ZNF263: variants seen among roughly 807,000 people sequenced by gnomAD.
ZNF263 encodes zinc finger protein 263.
Under a neutral mutation model 63.1 loss-of-function variants are expected in ZNF263, and 49 were observed. The ratio of observed to expected loss-of-function variants is 0.78; its 90% CI spans 0.62 to 0.99. ZNF263 has a LOEUF of 0.99. ZNF263 is among the 50% of genes least tolerant of loss of function. The pLI is 0.00. For synonymous variants in ZNF263, 352 were observed against 324.2 expected (o/e 1.09, Z -0.92); for missense variants, 872 against 854.8 (o/e 1.02, Z -0.25).
chr16:3,300,437 C>T lies in ZNF263; in HGVS notation c.*47-476C>T, dbSNP rs748302335. 59 of 1,614,066 alleles carry T rather than the reference C, an allele frequency of 3.7e-5. No homozygotes were observed. The highest frequency in any genetic ancestry group is 4.7e-5 in the Non-Finnish European group (56 of 1,180,048). The stretch of plus-strand genomic sequence containing the variant: ...TTCTCAGCCCCTACTAATGGCATGT[C>T]CTGCTTCAGTACAAAGTCCAGAATT... On this transcript the variant is annotated intron_variant, in intron 2 of 2. Transcript: ENST00000574674.
At position 3,289,774 on chromosome 16, in the gene ZNF263, C is replaced by A; in HGVS notation, c.1268C>A (p.Ser423Ter). The A allele has an allele frequency of 6.2e-7, 1 of 1,614,204 alleles. No homozygotes were observed. The highest frequency in any genetic ancestry group is 8.5e-7 in the Non-Finnish European group (1 of 1,180,042). ...EIFGGNPRFLSLHRAHLGEEA... is the reference protein window; with the variant it reads ...EIFGGNPRFL ...TTTGGTGGGAACCCACGTTTCCTGT[C>A]ACTACACAGAGCACACCTGGGAGAG... The change falls in exon 6 of 6, where the codon TCA (serine) becomes TAA (stop). Residue 423 changes from serine (S) to a stop codon, truncating the protein, a stop_gained. Transcript: ENST00000219069. LOFTEE classifies it high-confidence loss of function.
In ZNF263 at chr16:3,283,575, C is replaced by G; in HGVS notation, c.-244C>G. The stretch of plus-strand genomic sequence containing the variant: ...TATATAGGGTGAGAAGCGTGGCGCT[C>G]GGTTCCTGCCTCGGGGAAGTCCTGG... On this transcript the variant is annotated 5_prime_UTR_variant, in exon 1 of 6. Coordinates refer to ENST00000219069, the MANE Select transcript of ZNF263 (RefSeq NM_005741.5). The G allele has an allele frequency of 4.8e-6, 2 of 413,860 alleles. No homozygotes were observed. The highest frequency in any genetic ancestry group is 8.0e-6 in the Non-Finnish European group (2 of 248,884). 25.6% of individuals were successfully genotyped at this position (413,860 alleles called of 1,614,324 possible). A position where few individuals can be genotyped will look rare whatever the true frequency, so the allele number is the denominator to read the frequency against.
chr16:3,290,631 C>G lies in ZNF263; in HGVS notation c.*73C>G. 14 of 1,508,506 alleles carry G rather than the reference C, an allele frequency of 9.3e-6. No homozygotes were observed. The highest frequency in any genetic ancestry group is 1.2e-5 in the Non-Finnish European group (14 of 1,137,006). The allele number at this position is 1,508,506 out of a possible 1,614,324, so 93.4% of individuals were successfully genotyped here. ...GAGCCTGTTGGCAAGAGCTGGTATTCCCTGCCCAGCCGACCAAATGACCTC... is the reference window on the plus strand; with the variant it reads ...GAGCCTGTTGGCAAGAGCTGGTATTGCCTGCCCAGCCGACCAAATGACCTC... On this transcript the variant is annotated 3_prime_UTR_variant, in exon 6 of 6. Transcript: ENST00000219069.
intron 4 of ZNF263, among the ~76,000 whole-genome samples, chr16:3,287,474 G>A (rs558037418): frequency 5.1e-4 from 76 of 147,732 alleles, no homozygotes; most frequent in African/African-American, 1.8e-3. Flanking sequence ...GGAACTTCTG[G>A]GCTCAAGCAG....
chr16:3,300,641 A>T (rs2150779870), intron 2 of ZNF263: 1 of 1,526,182 alleles, frequency 6.6e-7, no homozygotes. Context: ...AACCACCAAC[A>T]GGAGAAAACA....
At chr16:3,299,668 C>G in intron 2 of ZNF263, 1 of 1,549,250 alleles carries the variant, frequency 6.5e-7, no homozygotes, top group South Asian at 1.3e-5. Flanking sequence ...GAAGAACATA[C>G]ATTTTATTCG....
chr16:3,285,379 G>A, intron 2 of ZNF263, 140 bp downstream of exon 2: 1 of 1,059,430 alleles, frequency 9.4e-7, no homozygotes, highest in South Asian at 1.7e-5. Context: ...AAGACCTGCA[G>A]TTGGTGGTGT....
In ZNF263 at chr16:3,290,304, G is replaced by A. The variant is rs894152806; in HGVS notation, c.1798G>A (p.Glu600Lys). The A allele has an allele frequency of 6.2e-7, 1 of 1,614,050 alleles. No homozygotes were observed. The highest frequency in any genetic ancestry group is 8.5e-7 in the Non-Finnish European group (1 of 1,180,024). The change falls in exon 6 of 6, where the codon GAG (glutamate) becomes AAG (lysine). Residue 600 changes from glutamate to lysine, a missense_variant. Coordinates refer to ENST00000219069, the MANE Select transcript of ZNF263 (RefSeq NM_005741.5). ...LTRHQRTHTG[E>K]KPYKCTLCGE... The stretch of plus-strand genomic sequence containing the variant: ...CAGACATCAGAGAACACACACAGGA[G>A]AGAAACCGTATAAATGTACCCTTTG...
intron 1 of ZNF263, among the ~76,000 whole-genome samples, chr16:3,296,897 C>CTCAGGAAAT (rs1359866177): frequency 6.6e-6 from 1 of 152,164 alleles, no homozygotes; most frequent in Non-Finnish European, 1.5e-5. Context: ...AATAAATTCG[C>CTCAGGAAAT]AGAGGGAGTT....
At position 3,283,900 on chromosome 16, in the gene ZNF263, C is replaced by T. The variant is rs768720155; in HGVS notation, c.82C>T (p.Leu28=). The change falls in exon 1 of 6, where the codon CTG becomes TTG. Residue 28 remains leucine (L), a synonymous_variant. Coordinates refer to ENST00000219069, the MANE Select transcript of ZNF263 (RefSeq NM_005741.5). ...GGAGGACTGCGCCTGGAGCCAGGAG[C>T]TGCCCCCACCTGACCCAGGACCGAG... is the stretch of plus-strand genomic sequence containing the variant. ...LEEDCAWSQE[L]PPPDPGPSPE... 8.1e-6 allele frequency: 13 copies of T among 1,611,470 alleles called. No homozygotes were observed. The highest frequency in any genetic ancestry group is 1.0e-5 in the Non-Finnish European group (12 of 1,178,964).
chr16:3,290,991 C>G lies in ZNF263; in HGVS notation c.*433C>G, dbSNP rs981365950. ...GCCCCTGAGACCAAAGAAGAGGGGCCAAGTACCCTGGGAAATCAGCTGAAG... is the reference window on the plus strand; with the variant it reads ...GCCCCTGAGACCAAAGAAGAGGGGCGAAGTACCCTGGGAAATCAGCTGAAG... On this transcript the variant is annotated 3_prime_UTR_variant, in exon 6 of 6. Transcript: ENST00000219069. 6.0e-6 allele frequency: 6 copies of G among 998,794 alleles called. No individual in the cohort carries two copies. In the African/African-American group the frequency reaches 8.7e-5, roughly 15 times the overall value. 61.9% of individuals were successfully genotyped at this position (998,794 alleles called of 1,614,324 possible). A position where few individuals can be genotyped will look rare whatever the true frequency, so the allele number is the denominator to read the frequency against.
At chr16:3,296,133 G>T (rs1299645701), downstream of ZNF263, among the ~76,000 whole-genome samples, 4 of 152,172 alleles carry the variant, frequency 2.6e-5, no homozygotes, top group South Asian at 6.2e-4. Flanking sequence ...TTTGGCTCCG[G>T]CCCTTACACA....
At chr16:3,299,496 G>T in intron 2 of ZNF263, 1 of 1,539,818 alleles carries the variant, frequency 6.5e-7, no homozygotes, top group Non-Finnish European at 8.7e-7. Context: ...TTATATTGTA[G>T]ATTTTAATTT....
downstream of ZNF263, among the ~76,000 whole-genome samples, chr16:3,291,811 G>C (rs954376165): frequency 2.0e-5 from 3 of 152,238 alleles, no homozygotes; most frequent in African/African-American, 7.2e-5. Flanking sequence ...CTGACTCTTA[G>C]AGAACAGGAT....
chr16:3,297,547 C>G (rs1158627587), intron 1 of ZNF263, among the ~76,000 whole-genome samples: 1 of 142,888 alleles, frequency 7.0e-6, no homozygotes, highest in Non-Finnish European at 1.5e-5. Context: ...TCACTGCAAG[C>G]TCCGCCTCCC....
chr16:3,297,419 C>A (rs1959780755), intron 1 of ZNF263, among the ~76,000 whole-genome samples: 1 of 149,924 alleles, frequency 6.7e-6, no homozygotes, highest in Admixed American at 6.7e-5. Context: ...GCCTAGTATT[C>A]ACCAGTGTAA....
At chr16:3,296,263 T>A (rs1333055293), downstream of ZNF263, among the ~76,000 whole-genome samples, 1 of 152,212 alleles carries the variant, frequency 6.6e-6, no homozygotes, top group Non-Finnish European at 1.5e-5. Context: ...ATGAGTACTT[T>A]TGAAAACTGG....
At chr16:3,299,391 A>G in intron 2 of ZNF263, 2 of 1,553,978 alleles carry the variant, frequency 1.3e-6, no homozygotes, top group Non-Finnish European at 1.7e-6. Context: ...AATCATATTC[A>G]GGTTCCTTTT....
chr16:3,294,302 C>A (rs189391477), downstream of ZNF263, among the ~76,000 whole-genome samples: 167 of 152,294 alleles, frequency 1.1e-3, no homozygotes, highest in African/African-American at 3.8e-3. Context: ...ATCACCACTG[C>A]TTTAAAACTT....
Sources: allele counts gnomAD v4.1 joint callset (sites outside exome capture counted in the v4.1 genomes callset), GRCh38; gene constraint gnomAD v4.1.1; transcripts MANE v1.5; gene names NCBI Gene and HGNC (gene_info 2026-07-23, HGNC 2026-07-21).